C6orf62: variants seen among roughly 807,000 people sequenced by gnomAD.
The protein encoded by C6orf62 is uncharacterized protein C6orf62.
C6orf62 carries 16 observed loss-of-function variants against 26.8 expected under a neutral mutation model. The ratio of observed to expected loss-of-function variants is 0.60; its 90% confidence interval spans 0.40 to 0.91. C6orf62 has a LOEUF of 0.91. C6orf62 is among the 40% of genes least tolerant of loss of function. The pLI is 0.00. For missense variants in C6orf62, 192 were observed against 271.4 expected, an observed-to-expected ratio of 0.71 and a Z score of 2.06; for synonymous variants, 112 against 91.5, an observed-to-expected ratio of 1.22 and a Z score of -1.28.
At chr6:24,719,333 T>C (rs1397869705), upstream of C6orf62, 2 of 997,088 alleles carry the variant, frequency 2.0e-6, no homozygotes, top group African/African-American at 1.7e-5. Flanking sequence ...GTGCTTGTTA[T>C]TGATTACACT....
upstream of C6orf62, chr6:24,720,097 T>C (rs528451449): frequency 1.1e-4 from 149 of 1,412,550 alleles, no homozygotes; most frequent in African/African-American, 2.2e-3. Context: ...GAGTTTGGAT[T>C]GTTTAGGGTG....
At chr6:24,712,371 G>C (rs1261319985) in intron 3 of C6orf62, among the ~76,000 whole-genome samples, 1 of 150,808 alleles carries the variant, frequency 6.6e-6, no homozygotes, top group Non-Finnish European at 1.5e-5. Flanking sequence ...GACAGAGCAA[G>C]ACCCTGTCTC....
intron 3 of C6orf62, among the ~76,000 whole-genome samples, chr6:24,711,739 T>C (rs115175890): frequency 0.022 from 3,426 of 152,338 alleles, 43 homozygotes; most frequent in African/African-American, 0.04. Context: ...TTTTCTCATT[T>C]TCTTTGAGAA....
rs147608879 is a variant in C6orf62, at chr6:24,718,635, G to A, written c.34C>T (p.Leu12=). 120 of 1,614,014 alleles carry A rather than the reference G, an allele frequency of 7.4e-5. No individual in the cohort carries two copies. Among genetic ancestry groups the A allele is most frequent in the Middle Eastern group, 4.9e-4 (3 of 6,062 alleles). ...GDPNSRKKQA[L]NRLRAQLRKK... ...CTAAGCTGAGCACGTAGTCTGTTCA[G>A]AGCTTGTTTCTTCCGGGAGTTTGGG... is the stretch of plus-strand genomic sequence containing the variant. Residue 12 remains leucine, a synonymous_variant, in exon 1 of 5, where the codon CTG becomes TTG. Coordinates refer to ENST00000378119, the MANE Select transcript of C6orf62 (RefSeq NM_030939.5).
intron 3 of C6orf62, chr6:24,710,451 A>C (rs1448190494): frequency 2.4e-6 from 1 of 408,386 alleles, no homozygotes; most frequent in Non-Finnish European, 3.3e-6. Flanking sequence ...TTTAGTAGAG[A>C]TAGGACTTCT....
chr6:24,718,954 T>C lies in C6orf62; in HGVS notation c.-286A>G, dbSNP rs1012365748. The C allele has an allele frequency of 1.2e-5, 14 of 1,197,174 alleles. No homozygotes were observed. In the African/African-American group the frequency reaches 1.8e-4, roughly 15 times the overall value. The allele number at this position is 1,197,174 out of a possible 1,614,324, so 74.2% of individuals were successfully genotyped here. A position where few individuals can be genotyped will look rare whatever the true frequency, so the allele number is the denominator to read the frequency against. On this transcript the variant is annotated 5_prime_UTR_variant, in exon 1 of 5. Transcript: ENST00000378119. ...AAGAAAGGAAAGAAAGAGGAGAAAA[T>C]AACTAACTTTCTGGAAAACACATTT...
At chr6:24,718,488 T>C (rs935498796) in intron 1 of C6orf62, 52 bp downstream of exon 1, 98 of 1,505,898 alleles carry the variant, frequency 6.5e-5, no homozygotes, top group Non-Finnish European at 7.9e-5. Context: ...ACAAATAATA[T>C]ACACTTACAA....
chr6:24,720,378 G>C (rs890353024), upstream of C6orf62: 2 of 1,197,570 alleles, frequency 1.7e-6, no homozygotes, highest in African/African-American at 1.6e-5. Flanking sequence ...CCCCGCTGCA[G>C]TGCGCACCGT....
chr6:24,720,284 G>A (rs1391463410), upstream of C6orf62: 3 of 1,300,372 alleles, frequency 2.3e-6, no homozygotes, highest in East Asian at 6.4e-5. Flanking sequence ...GGCGGCGGAA[G>A]AGGCGGCGGC....
chr6:24,717,886 G>A (rs1779265417), intron 1 of C6orf62, among the ~76,000 whole-genome samples: 1 of 152,146 alleles, frequency 6.6e-6, no homozygotes, highest in South Asian at 2.1e-4. Flanking sequence ...ACAACTTACT[G>A]TTTGCTATTT....
intron 3 of C6orf62, among the ~76,000 whole-genome samples, 164 bp downstream of exon 3, chr6:24,714,154 A>G (rs1450576046): frequency 1.3e-5 from 2 of 152,238 alleles, no homozygotes; most frequent in Admixed American, 6.5e-5. Flanking sequence ...AGATTCTATA[A>G]TCCAAACGCT....
At chr6:24,719,820 G>A, upstream of C6orf62, 2 of 1,546,564 alleles carry the variant, frequency 1.3e-6, no homozygotes, top group Admixed American at 2.0e-5. Flanking sequence ...ACCCCCGCAG[G>A]TCCCACCCCC....
chr6:24,708,749 G>T (rs778445485), intron 4 of C6orf62, 28 bp downstream of exon 4: 1 of 1,613,988 alleles, frequency 6.2e-7, no homozygotes, highest in African/African-American at 1.3e-5. Flanking sequence ...GAATGAGCCT[G>T]TAAGTGGTTT....
At position 24,705,314 on chromosome 6, in the gene C6orf62, AAAAAC is replaced by A. The variant is rs58103230; in HGVS notation, c.*818_*822del. 10,843 of 152,480 alleles carry A rather than the reference AAAAAC, an allele frequency of 0.071. 462 individuals are homozygous for A. Among genetic ancestry groups the A allele is most frequent in the African/African-American group, 0.12 (5,008 of 41,472 alleles). The allele number at this position is 152,480 out of a possible 1,614,324, so 9.4% of individuals were successfully genotyped here. The stretch of plus-strand genomic sequence containing the variant: ...ATAAAAATCTCTTCTCTGTAAAACC[AAAAAC>A]AAAACAAAACAAAACAAAACAAAAC... On this transcript the variant is annotated 3_prime_UTR_variant, in exon 5 of 5. Coordinates refer to ENST00000378119, the MANE Select transcript of C6orf62 (RefSeq NM_030939.5).
In C6orf62 at chr6:24,718,909, C is replaced by A; in HGVS notation, c.-241G>T. ...ATGTTTGGACAATAACGTTTGGGGT[C>A]AGACGGGAAAAAGGGAGGAAAGAAA... On this transcript the variant is annotated 5_prime_UTR_variant, in exon 1 of 5. Transcript: ENST00000378119. The A allele has an allele frequency of 2.3e-6, 3 of 1,286,502 alleles. No homozygotes were observed. The highest frequency in any genetic ancestry group is 2.9e-6 in the Non-Finnish European group (3 of 1,018,512). 79.7% of individuals were successfully genotyped at this position (1,286,502 alleles called of 1,614,324 possible).
In C6orf62 at chr6:24,718,878, C is replaced by G; in HGVS notation, c.-210G>C. 1 of 1,389,222 alleles carries G rather than the reference C, an allele frequency of 7.2e-7. No individual in the cohort carries two copies. The highest frequency in any genetic ancestry group is 9.3e-7 in the Non-Finnish European group (1 of 1,078,354). The allele number at this position is 1,389,222 out of a possible 1,614,324, so 86.1% of individuals were successfully genotyped here. A position where few individuals can be genotyped will look rare whatever the true frequency, so the allele number is the denominator to read the frequency against. On this transcript the variant is annotated 5_prime_UTR_variant, in exon 1 of 5. Coordinates refer to ENST00000378119, the MANE Select transcript of C6orf62 (RefSeq NM_030939.5). The stretch of plus-strand genomic sequence containing the variant: ...AGGGTCAAGAAACAAAAGCTGCTGT[C>G]CAGTCATGTTTGGACAATAACGTTT...
Position 24,718,885 on chromosome 6 carries a change from T to A in C6orf62, c.-217A>T. The stretch of plus-strand genomic sequence containing the variant: ...AGAAACAAAAGCTGCTGTCCAGTCA[T>A]GTTTGGACAATAACGTTTGGGGTCA... On this transcript the variant is annotated 5_prime_UTR_variant, in exon 1 of 5. It removes an upstream start codon present in the reference 5' UTR. Coordinates refer to ENST00000378119, the MANE Select transcript of C6orf62 (RefSeq NM_030939.5). 2 of 1,360,760 alleles carry A rather than the reference T, an allele frequency of 1.5e-6. No individual in the cohort carries two copies. Among genetic ancestry groups the A allele is most frequent in the Non-Finnish European group, 1.9e-6 (2 of 1,062,704 alleles). The allele number at this position is 1,360,760 out of a possible 1,614,324, so 84.3% of individuals were successfully genotyped here.
chr6:24,720,012 A>AGGGGGGCCC, upstream of C6orf62: 1 of 1,463,298 alleles, frequency 6.8e-7, no homozygotes, highest in Non-Finnish European at 9.1e-7. Context: ...TTCTAAAGTA[A>AGGGGGGCCC]GCCCACCCAC....
chr6:24,708,217 CT>C (rs561682896), intron 4 of C6orf62, among the ~76,000 whole-genome samples: 8 of 146,626 alleles, frequency 5.5e-5, no homozygotes, highest in African/African-American at 2.0e-4. Flanking sequence ...AGAATCATGA[CT>C]TTTAAAAGCT....
Sources: gnomAD v4.1 joint callset for allele counts (sites outside exome capture counted in the v4.1 genomes callset) on GRCh38, gnomAD v4.1.1 for gene constraint, MANE v1.5 for transcripts, NCBI Gene and HGNC (gene_info 2026-07-23, HGNC 2026-07-21) for gene names.